The following FGFR4 variants were observed in gnomAD, a reference collection of about 807,000 sequenced individuals.
FGFR4 encodes the protein fibroblast growth factor receptor 4.
Under a neutral mutation model 89.9 loss-of-function variants are expected in FGFR4, and 63 were observed. That is an observed-to-expected ratio of 0.70 (90% CI 0.57 to 0.86). FGFR4 has a LOEUF of 0.86. Among genes scored for constraint, FGFR4 ranks in the 40% least tolerant of loss-of-function variants. The probability of loss-of-function intolerance (pLI) is 0.00; values close to 1 mark genes in which losing one functional copy is unlikely to be tolerated. For missense variants in FGFR4, 928 were observed against 1,106.7 expected (o/e 0.84, Z 2.29); for synonymous variants, 486 against 479.4 (o/e 1.01, Z -0.18).
At position 177,098,038 on chromosome 5, in the gene FGFR4, G is replaced by A. The variant is rs558121495; in HGVS notation, c.*362G>A. On this transcript the variant is annotated 3_prime_UTR_variant, in exon 18 of 18. Coordinates refer to ENST00000292408, the MANE Select transcript of FGFR4 (RefSeq NM_213647.3). The surrounding 1 kb of genome is among the most constrained non-coding windows in gnomAD (Gnocchi z 4.5). ...GCTGCTGCTGCCCCAGCGTCTTGAC[G>A]GGAGCATTGGCCCCTGAGCCCAGAG... 6.6e-5 allele frequency: 18 copies of A among 270,736 alleles called. 1 individual carries two copies. The South Asian group carries it at 1.4e-3, about 21-fold the overall frequency. 16.8% of individuals were successfully genotyped at this position (270,736 alleles called of 1,614,324 possible).
At position 177,091,810 on chromosome 5, in the gene FGFR4, T is replaced by C. The variant is rs201851606; in HGVS notation, c.727+2T>C. On this transcript the variant is annotated splice_donor_variant, in intron 6 of 17. Transcript: ENST00000292408. LOFTEE classifies it high-confidence loss of function. ...ATAACTACCTGCTAGATGTGCTGGG[T>C]GAGCGCGGGGCTGGGAACAGGGGAG... 6.2e-7 allele frequency: 1 copy of C among 1,614,060 alleles called. No homozygotes were observed. The highest frequency in any genetic ancestry group is 2.2e-5 in the East Asian group (1 of 44,876).
chr5:177,097,700 A>G lies in FGFR4; in HGVS notation c.*24A>G. 1.2e-6 allele frequency: 2 copies of G among 1,609,124 alleles called. No homozygotes were observed. The highest frequency in any genetic ancestry group is 1.7e-6 in the Non-Finnish European group (2 of 1,176,896). ...GAGCAAGGCTCAAGGCTGTGCAGGC[A>G]CATAGGCTGGTGGCCTTGGGCCTTG... On this transcript the variant is annotated 3_prime_UTR_variant, in exon 18 of 18. Coordinates refer to ENST00000292408, the MANE Select transcript of FGFR4 (RefSeq NM_213647.3).
intron 14 of FGFR4, 50 bp downstream of exon 14, chr5:177,096,229 G>A (rs769369271): frequency 2.5e-5 from 40 of 1,613,016 alleles, no homozygotes; most frequent in Middle Eastern, 1.6e-4. Context: ...CACTGGGCCC[G>A]GGGTGGCAGG....
chr5:177,096,234 G>T, intron 14 of FGFR4, 53 bp from the exon 15 acceptor site: 1 of 1,613,230 alleles, frequency 6.2e-7, no homozygotes, highest in South Asian at 1.1e-5. Flanking sequence ...GGCCCGGGGT[G>T]GCAGGCACGA....
rs758477132 is a variant in FGFR4 at position 177,090,590 on chromosome 5, C to T, written c.292C>T (p.Arg98Cys). 26 of 1,523,388 alleles carry T rather than the reference C, an allele frequency of 1.7e-5. No individual in the cohort carries two copies. The highest frequency in any genetic ancestry group is 2.2e-5 in the Admixed American group (1 of 45,204). 94.4% of individuals were successfully genotyped at this position (1,523,388 alleles called of 1,614,324 possible). The change falls in exon 3 of 18, where the codon CGC (arginine) becomes TGC (cysteine). Residue 98 changes from arginine (R) to cysteine (C), a missense_variant. Transcript: ENST00000292408. ...IASFLPEDAG[R>C]YLCLARGSMI... is the part of the protein sequence containing the mutation. ...CAGCTTCCTACCTGAGGATGCTGGC[C>T]GCTACCTCTGCCTGGCACGAGGCTC...
At position 177,092,335 on chromosome 5, in the gene FGFR4, C is replaced by T. The variant is rs969674953; in HGVS notation, c.742C>T (p.Arg248Trp). 5 of 1,586,246 alleles carry T rather than the reference C, an allele frequency of 3.2e-6. No individual in the cohort carries two copies. Among genetic ancestry groups the T allele is most frequent in the South Asian group, 1.1e-5 (1 of 88,838 alleles). The change falls in exon 7 of 18, where the codon CGG becomes TGG. Residue 248 changes from arginine (R) to tryptophan (W), a missense_variant. By Grantham distance (101) the Arg-to-Trp change is moderately radical. This residue lies in a region of FGFR4 where 741 missense variants were observed against 836.9 expected (regional missense o/e 0.89). Coordinates refer to ENST00000292408, the MANE Select transcript of FGFR4 (RefSeq NM_213647.3). Reference protein sequence around the residue: ...LLDVLERSPHRPILQAGLPAN... With the variant: ...LLDVLERSPHWPILQAGLPAN... ...CCGGTCCCCAGAGCGGTCCCCGCACCGGCCCATCCTGCAGGCCGGGCTCCC... is the reference window on the plus strand; with the variant it reads ...CCGGTCCCCAGAGCGGTCCCCGCACTGGCCCATCCTGCAGGCCGGGCTCCC...
In FGFR4 at chr5:177,093,776, G is replaced by A. The variant is rs1321799282; in HGVS notation, c.1519+1G>A. ...ACTGTGGCCGTCAAGATGCTCAAAG[G>A]TGAGTGTGGCCCGGTGTGGTGGCTC... On this transcript the variant is annotated splice_donor_variant, in intron 11 of 17. Transcript: ENST00000292408. LOFTEE classifies it high-confidence loss of function. This position sits in a 1 kb window ranked among gnomAD's most constrained non-coding sequence, Gnocchi z 5.8. 6.2e-7 allele frequency: 1 copy of A among 1,611,818 alleles called. No homozygotes were observed. Among genetic ancestry groups the A allele is most frequent in the Admixed American group, 1.7e-5 (1 of 59,986 alleles).
At position 177,093,862 on chromosome 5, in the gene FGFR4, T is replaced by C; in HGVS notation, c.1519+87T>C. On this transcript the variant is annotated intron_variant, in intron 11 of 17. Coordinates refer to ENST00000292408, the MANE Select transcript of FGFR4 (RefSeq NM_213647.3). This position sits in a 1 kb window ranked among gnomAD's most constrained non-coding sequence, Gnocchi z 5.8. ...TGGGAGGATCGCTTGAATCCAGGAATTCGAGGCCAGCCTGGGCAACATGGC... is the reference window on the plus strand; with the variant it reads ...TGGGAGGATCGCTTGAATCCAGGAACTCGAGGCCAGCCTGGGCAACATGGC... The C allele has an allele frequency of 4.1e-6, 6 of 1,456,536 alleles. No homozygotes were observed. Among genetic ancestry groups the C allele is most frequent in the Non-Finnish European group, 5.6e-6 (6 of 1,079,594 alleles). The allele number at this position is 1,456,536 out of a possible 1,614,324, so 90.2% of individuals were successfully genotyped here.
rs745410615 is a variant in FGFR4, at chr5:177,089,562, T to C, written c.-41T>C. On this transcript the variant is annotated 5_prime_UTR_variant, in exon 2 of 18. Coordinates refer to ENST00000292408, the MANE Select transcript of FGFR4 (RefSeq NM_213647.3). ...CTCCCTATTTTAGGAAGGCAGTTGGTGGGAAGTCCAGCTTGGGTCCCTGAG... is the reference window on the plus strand; with the variant it reads ...CTCCCTATTTTAGGAAGGCAGTTGGCGGGAAGTCCAGCTTGGGTCCCTGAG... 35 of 1,589,154 alleles carry C rather than the reference T, an allele frequency of 2.2e-5. No individual in the cohort carries two copies. In the East Asian group the frequency reaches 7.0e-4, roughly 32 times the overall value.
chr5:177,095,607 GGCCCCGACCTCA>G lies in FGFR4; in HGVS notation c.1714_1725del (p.Leu572_Asp575del). On this transcript the variant is annotated inframe_deletion, in exon 13 of 18. Transcript: ENST00000292408. The surrounding 1 kb of genome is among the most constrained non-coding windows in gnomAD (Gnocchi z 5.7). ...GTTCCTGCGGGCCCGGCGCCCCCCA[GGCCCCGACCTCA>G]GCCCCGACGGTCCTCGGAGCAGTGA... 4 of 1,605,774 alleles carry G rather than the reference GGCCCCGACCTCA, an allele frequency of 2.5e-6. No individual in the cohort carries two copies. Among genetic ancestry groups the G allele is most frequent in the Non-Finnish European group, 3.4e-6 (4 of 1,177,272 alleles).
At position 177,093,252 on chromosome 5, in the gene FGFR4, G is replaced by A. The variant is rs375466821; in HGVS notation, c.1172G>A (p.Arg391Gln). Reference sequence around the variant, plus strand: ...CTCCTGCTGCTGGCCGGGCTGTATCGAGGGCAGGCGCTCCACGGCCGGCAC... The same window carrying A: ...CTCCTGCTGCTGGCCGGGCTGTATCAAGGGCAGGCGCTCCACGGCCGGCAC... ...AVLLLLAGLY[R>Q]GQALHGRHPR... The change falls in exon 9 of 18, where the codon CGA (arginine) becomes CAA (glutamine). Residue 391 changes from arginine to glutamine, a missense_variant. Arg to Gln is a conservative substitution (Grantham distance 43). Around this residue, in one of 5 missense-constraint regions of FGFR4, gnomAD observed 741 missense variants for 836.9 expected, o/e 0.89. Transcript: ENST00000292408. The surrounding 1 kb of genome is among the most constrained non-coding windows in gnomAD (Gnocchi z 5.8). 237 of 1,612,968 alleles carry A rather than the reference G, an allele frequency of 1.5e-4. 1 individual carries two copies. Among genetic ancestry groups the A allele is most frequent in the Middle Eastern group, 1.3e-3 (8 of 6,052 alleles).
Position 177,095,276 on chromosome 5 carries a change from G to C in FGFR4, c.1520-54G>C, listed in dbSNP as rs1244841957. The C allele has an allele frequency of 6.9e-7, 1 of 1,441,616 alleles. No individual in the cohort carries two copies. Among genetic ancestry groups the C allele is most frequent in the African/African-American group, 1.4e-5 (1 of 71,652 alleles). 89.3% of individuals were successfully genotyped at this position (1,441,616 alleles called of 1,614,324 possible). ...GCTTGTCCTGCACCTGCCTCTGCATGCTCCCTCGTGCAGTTGGAGGGCAGC... is the reference window on the plus strand; with the variant it reads ...GCTTGTCCTGCACCTGCCTCTGCATCCTCCCTCGTGCAGTTGGAGGGCAGC... On this transcript the variant is annotated intron_variant, in intron 11 of 17. Coordinates refer to ENST00000292408, the MANE Select transcript of FGFR4 (RefSeq NM_213647.3). This position sits in a 1 kb window ranked among gnomAD's most constrained non-coding sequence, Gnocchi z 5.7.
At position 177,087,537 on chromosome 5, in the gene FGFR4, C is replaced by T; in HGVS notation, c.-54+460C>T. On this transcript the variant is annotated intron_variant, in intron 1 of 17. Transcript: ENST00000292408. The surrounding 1 kb of genome is among the most constrained non-coding windows in gnomAD (Gnocchi z 6.1). ...AAGGAGAACCCAGGACTGTCTGATG[C>T]CTAAGGCAGGCCCTCCATTCCCACG... The T allele has an allele frequency of 1.0e-6, 1 of 974,806 alleles. No individual in the cohort carries two copies. The highest frequency in any genetic ancestry group is 1.2e-6 in the Non-Finnish European group (1 of 820,370). The allele number at this position is 974,806 out of a possible 1,614,324, so 60.4% of individuals were successfully genotyped here.
Position 177,091,786 on chromosome 5 carries a change from T to C in FGFR4, c.705T>C (p.Tyr235=), listed in dbSNP as rs376741183. The change falls in exon 6 of 18, where the codon TAT becomes TAC. Residue 235 remains tyrosine (Y), a synonymous_variant. Coordinates refer to ENST00000292408, the MANE Select transcript of FGFR4 (RefSeq NM_213647.3). ...AGAACGCTGTGGGCAGCATCCGCTA[T>C]AACTACCTGCTAGATGTGCTGGGTG... ...LVENAVGSIR[Y]NYLLDVLERS... is the part of the protein sequence containing the mutation. The C allele has an allele frequency of 1.5e-5, 24 of 1,614,018 alleles. 1 individual carries two copies. The highest frequency in any genetic ancestry group is 1.3e-4 in the South Asian group (12 of 91,084).
intron 11 of FGFR4, among the ~76,000 whole-genome samples, chr5:177,094,659 C>T (rs1296643966): frequency 1.3e-5 from 2 of 152,014 alleles, no homozygotes; most frequent in Non-Finnish European, 2.9e-5. Flanking sequence ...CTTGCAGTTC[C>T]CCAGCCCCCT....
intron 5 of FGFR4, 91 bp from the exon 6 acceptor site, chr5:177,091,594 C>T (rs1322554660): frequency 6.5e-7 from 1 of 1,543,326 alleles, no homozygotes; most frequent in African/African-American, 1.4e-5. Flanking sequence ...TGACAAGAGC[C>T]CTGTGGGCAG....
chr5:177,087,257 C>G lies in FGFR4; in HGVS notation c.-54+180C>G, dbSNP rs977405164. 6.6e-6 allele frequency among the ~76,000 whole-genome samples: 1 copy of G among 152,098 alleles called. No individual in the cohort carries two copies. The highest frequency in any genetic ancestry group is 2.1e-4 in the South Asian group (1 of 4,826). ...GCACACAGGGCCTTTTGTCCCGCTC[C>G]GTCCAAAGAGCACCCCGGCCGCGGA... On this transcript the variant is annotated intron_variant, in intron 1 of 17. Coordinates refer to ENST00000292408, the MANE Select transcript of FGFR4 (RefSeq NM_213647.3). This position sits in a 1 kb window ranked among gnomAD's most constrained non-coding sequence, Gnocchi z 6.1.
intron 17 of FGFR4, 41 bp from the exon 18 acceptor site, chr5:177,097,486 T>C (rs756635878): frequency 6.3e-7 from 1 of 1,588,338 alleles, no homozygotes; most frequent in Non-Finnish European, 8.6e-7. Flanking sequence ...CCCCGTCCCA[T>C]CCCGGGCGCT....
At position 177,095,752 on chromosome 5, in the gene FGFR4, TCAG is replaced by T. The variant is rs1784536931; in HGVS notation, c.1821+30_1821+32del. ...CAGGCGCTAGGGCTCTGAGCCCCTC[TCAG>T]TCTCTCCAGCTCCACTCTCAGGCCT... On this transcript the variant is annotated intron_variant, in intron 13 of 17. Coordinates refer to ENST00000292408, the MANE Select transcript of FGFR4 (RefSeq NM_213647.3). The surrounding 1 kb of genome is among the most constrained non-coding windows in gnomAD (Gnocchi z 5.7). The T allele has an allele frequency of 6.5e-7, 1 of 1,543,556 alleles. No individual in the cohort carries two copies. Among genetic ancestry groups the T allele is most frequent in the Non-Finnish European group, 8.7e-7 (1 of 1,146,634 alleles).
Sources: allele counts gnomAD v4.1 joint callset (sites outside exome capture counted in the v4.1 genomes callset), GRCh38; gene constraint gnomAD v4.1.1; regional missense constraint gnomAD v4.1.1; non-coding constraint Gnocchi (gnomAD v3.1); transcripts MANE v1.5; gene names NCBI Gene and HGNC (gene_info 2026-07-23, HGNC 2026-07-21).